The following DENND5A variants were observed in gnomAD, a reference collection of about 807,000 sequenced individuals.
DENND5A encodes DENN domain containing 5A.
A neutral mutation model predicts 140.3 loss-of-function variants in DENND5A; 64 were observed. The observed-to-expected ratio is 0.46, with a 90% CI of 0.37 to 0.56. DENND5A has a LOEUF of 0.56. DENND5A is among the 20% of genes least tolerant of loss of function. DENND5A has a pLI of 0.00. For synonymous variants in DENND5A, 605 were observed against 607.7 expected, an observed-to-expected ratio of 1.00 and a Z score of 0.07; for missense variants, 1,292 against 1,593.8, an observed-to-expected ratio of 0.81 and a Z score of 3.22.
At chr11:9,257,716 T>A (rs1322533523) in intron 1 of DENND5A, among the ~76,000 whole-genome samples, 1 of 151,332 alleles carries the variant, frequency 6.6e-6, no homozygotes, top group Non-Finnish European at 1.5e-5. Context: ...TCTCCTGACC[T>A]TGTGATCCGC....
intron 22 of DENND5A, chr11:9,140,128 GTC>G: frequency 7.0e-7 from 1 of 1,432,692 alleles, no homozygotes; most frequent in Non-Finnish European, 9.3e-7. Flanking sequence ...CACCACTGGT[GTC>G]TCCCAGAGCT....
intron 12 of DENND5A, among the ~76,000 whole-genome samples, chr11:9,154,876 G>A (rs530731909): frequency 4.0e-4 from 60 of 151,896 alleles, no homozygotes; most frequent in African/African-American, 1.3e-3. Context: ...TTGACTGGGC[G>A]CAGTGGCTCA....
At chr11:9,202,527 C>A (rs1057143829) in intron 4 of DENND5A, among the ~76,000 whole-genome samples, 2 of 152,100 alleles carry the variant, frequency 1.3e-5, no homozygotes, top group Non-Finnish European at 2.9e-5. Flanking sequence ...CCTTTGAATA[C>A]CCCTCGCGAA....
intron 13 of DENND5A, 107 bp downstream of exon 13, chr11:9,152,251 G>T: frequency 1.2e-6 from 1 of 867,648 alleles, no homozygotes; most frequent in Non-Finnish European, 2.0e-6. Context: ...AAACATTCCA[G>T]AGCAAAAGCT....
intron 1 of DENND5A, among the ~76,000 whole-genome samples, chr11:9,251,850 G>A (rs765925221): frequency 5.3e-5 from 8 of 151,384 alleles, no homozygotes; most frequent in African/African-American, 1.2e-4. Context: ...TTAGACTGGC[G>A]TGGTGGCAGG....
chr11:9,153,210 G>C (rs1357791856), intron 12 of DENND5A, among the ~76,000 whole-genome samples: 1 of 145,312 alleles, frequency 6.9e-6, no homozygotes, highest in South Asian at 2.2e-4. Context: ...CCAGCTACTC[G>C]GGAGGCTGAG....
rs558871169 is a variant in DENND5A, at chr11:9,145,395, TG to T, written c.3003+274del. 201 of 579,168 alleles carry T rather than the reference TG, an allele frequency of 3.5e-4. 2 individuals carry two copies. In the South Asian group the frequency reaches 4.4e-3, roughly 13 times the overall value. 35.9% of individuals were successfully genotyped at this position (579,168 alleles called of 1,614,324 possible). A position where few individuals can be genotyped will look rare whatever the true frequency, so the allele number is the denominator to read the frequency against. On this transcript the variant is annotated intron_variant, in intron 17 of 22. Transcript: ENST00000328194. Reference sequence around the variant, plus strand: ...TCTGGGAACAGGTGGGCTGAGTAGCTGAAAGAACTCCTGGGGACTTCTCAAC... The same window carrying T: ...TCTGGGAACAGGTGGGCTGAGTAGCTAAAGAACTCCTGGGGACTTCTCAAC...
chr11:9,194,679 G>A (rs982764575), intron 4 of DENND5A, among the ~76,000 whole-genome samples: 1 of 151,970 alleles, frequency 6.6e-6, no homozygotes, highest in Non-Finnish European at 1.5e-5. Context: ...AAGGCTCGTG[G>A]GCTTGTGATC....
intron 1 of DENND5A, among the ~76,000 whole-genome samples, chr11:9,227,875 TG>T: frequency 6.6e-6 from 1 of 151,024 alleles, no homozygotes; most frequent in South Asian, 2.1e-4. Flanking sequence ...TGGGAGGCCG[TG>T]GGGGCGGGTG....
At chr11:9,202,643 G>A (rs1289312651) in intron 4 of DENND5A, among the ~76,000 whole-genome samples, 2 of 151,966 alleles carry the variant, frequency 1.3e-5, no homozygotes, top group South Asian at 2.1e-4. Context: ...CCTTACAATG[G>A]CCTACAAGAT....
At chr11:9,206,824 C>G in intron 2 of DENND5A, 42 bp from the exon 3 acceptor site, 1 of 1,414,360 alleles carries the variant, frequency 7.1e-7, no homozygotes, top group Non-Finnish European at 1.0e-6. Flanking sequence ...TACAAAATCC[C>G]TTTAAGTCAC....
chr11:9,258,656 C>G (rs1295472376), intron 1 of DENND5A, among the ~76,000 whole-genome samples: 1 of 152,094 alleles, frequency 6.6e-6, no homozygotes, highest in African/African-American at 2.4e-5. Flanking sequence ...AAATTTTTTG[C>G]TTGTTCCCCC....
intron 1 of DENND5A, among the ~76,000 whole-genome samples, chr11:9,241,603 C>A (rs1041086724): frequency 6.6e-6 from 1 of 152,206 alleles, no homozygotes; most frequent in Admixed American, 6.5e-5. Flanking sequence ...CGCACAGGCT[C>A]TTCTCTCTGC....
At chr11:9,194,751 G>C (rs1849259311) in intron 4 of DENND5A, among the ~76,000 whole-genome samples, 1 of 149,234 alleles carries the variant, frequency 6.7e-6, no homozygotes, top group African/African-American at 2.5e-5. Context: ...ACGGGGTCTT[G>C]CTCTGTTGCC....
intron 1 of DENND5A, among the ~76,000 whole-genome samples, chr11:9,264,176 C>A (rs1203297637): frequency 1.3e-5 from 2 of 152,170 alleles, no homozygotes; most frequent in Admixed American, 1.3e-4. Context: ...TCACGGCCTT[C>A]TGCAGTGAGT....
At chr11:9,248,781 T>C (rs978087730) in intron 1 of DENND5A, among the ~76,000 whole-genome samples, 2 of 152,112 alleles carry the variant, frequency 1.3e-5, no homozygotes, top group African/African-American at 4.8e-5. Flanking sequence ...ACATCTAACT[T>C]ACCCAAAATA....
In DENND5A at chr11:9,178,140, T is replaced by A. The variant is rs766920445; in HGVS notation, c.1898A>T (p.Asp633Val). ...TTCCAAGGAGGCCTTACCTGCTTCA[T>A]CCACAGTGGTACACTTCTGGTACAT... Reference protein sequence around the residue: ...TSMYQKCTTVDEAEKAIELRL... With the variant: ...TSMYQKCTTVVEAEKAIELRL... Residue 633 changes from aspartate to valine, a missense_variant, in exon 8 of 23, where the codon GAT becomes GTT. Coordinates refer to ENST00000328194, the MANE Select transcript of DENND5A (RefSeq NM_015213.4). 3 of 1,612,506 alleles carry A rather than the reference T, an allele frequency of 1.9e-6. No homozygotes were observed. Among genetic ancestry groups the A allele is most frequent in the Non-Finnish European group, 2.5e-6 (3 of 1,178,456 alleles).
In DENND5A at chr11:9,225,847, G is replaced by A. The variant is rs146205010; in HGVS notation, c.110-18215C>T. Among the ~76,000 whole-genome samples, 272 of 152,244 alleles carry A rather than the reference G, an allele frequency of 1.8e-3. 1 individual carries two copies. Among genetic ancestry groups the A allele is most frequent in the African/African-American group, 5.6e-3 (232 of 41,548 alleles). On this transcript the variant is annotated intron_variant, in intron 1 of 22. Coordinates refer to ENST00000328194, the MANE Select transcript of DENND5A (RefSeq NM_015213.4). ...TGCCTGTAATCCCAGCACTTTGGGAGGCCAAGTTGAGTGGATTGCTTGAGC... is the reference window on the plus strand; with the variant it reads ...TGCCTGTAATCCCAGCACTTTGGGAAGCCAAGTTGAGTGGATTGCTTGAGC...
chr11:9,180,738 C>T (rs543522539), intron 6 of DENND5A, 29 bp downstream of exon 6: 19 of 1,597,712 alleles, frequency 1.2e-5, no homozygotes, highest in South Asian at 5.6e-5. Context: ...ACAGATCACA[C>T]GTGTCACAGA....
Sources: allele counts gnomAD v4.1 joint callset (sites outside exome capture counted in the v4.1 genomes callset), GRCh38; gene constraint gnomAD v4.1.1; transcripts MANE v1.5; gene names NCBI Gene and HGNC (gene_info 2026-07-23, HGNC 2026-07-21).